Variants in GAREM1 observed in about 807,000 individuals in gnomAD.
GAREM1 encodes GRB2-associated and regulator of MAPK protein 1.
In GAREM1, 26 loss-of-function variants were observed where a neutral mutation model predicts 71.3. That is an observed-to-expected ratio of 0.36 (90% CI 0.27 to 0.51). GAREM1 has a LOEUF of 0.51. GAREM1 is among the 20% of genes least tolerant of loss of function. The pLI, the probability that GAREM1 is intolerant of heterozygous loss-of-function variation, is 0.95. For missense variants in GAREM1, 1,026 were observed against 1,103.1 expected (o/e 0.93, Z 0.99); for synonymous variants, 440 against 433.2 (o/e 1.02, Z -0.20).
chr18:32,271,730 C>T (rs563364485), intron 4 of GAREM1, among the ~76,000 whole-genome samples: 187 of 152,298 alleles, frequency 1.2e-3, no homozygotes, highest in South Asian at 2.9e-3. Context: ...ACATTTCCTT[C>T]GTCTTCACAC....
chr18:32,447,530 G>A (rs2048796387), intron 1 of GAREM1, among the ~76,000 whole-genome samples: 1 of 151,790 alleles, frequency 6.6e-6, no homozygotes, highest in East Asian at 1.9e-4. Context: ...TAATATTAAT[G>A]CAACATTTTC....
chr18:32,377,169 G>A (rs1014832865), intron 2 of GAREM1, among the ~76,000 whole-genome samples: 1 of 152,202 alleles, frequency 6.6e-6, no homozygotes, highest in East Asian at 1.9e-4. Context: ...TATTTACAGA[G>A]TATTGAGTTG....
rs770738485 is a variant in GAREM1, at chr18:32,327,992, T to C, written c.263-17669A>G. On this transcript the variant is annotated intron_variant, in intron 2 of 5. Coordinates refer to ENST00000269209, the MANE Select transcript of GAREM1 (RefSeq NM_001242409.2). ...AGTAATATGATTAATAATATGAATA[T>C]TATTTTTTATTATCAAGATTCCATA... Among the ~76,000 whole-genome samples, 223 of 151,866 alleles carry C rather than the reference T, an allele frequency of 1.5e-3. 2 individuals carry two copies. The highest frequency in any genetic ancestry group is 2.6e-3 in the Non-Finnish European group (174 of 68,042).
chr18:32,410,214 T>A (rs1243409527), intron 1 of GAREM1, among the ~76,000 whole-genome samples: 2 of 152,178 alleles, frequency 1.3e-5, no homozygotes, highest in African/African-American at 2.4e-5. Flanking sequence ...AACCTCTCCA[T>A]CCCCAACTCT....
intron 1 of GAREM1, among the ~76,000 whole-genome samples, chr18:32,453,549 C>T (rs1432507788): frequency 6.6e-6 from 1 of 152,082 alleles, no homozygotes; most frequent in African/African-American, 2.4e-5. Flanking sequence ...GCTGCATTAC[C>T]CCAATCTCTG....
At chr18:32,432,370 C>T (rs1488328372) in intron 1 of GAREM1, among the ~76,000 whole-genome samples, 1 of 151,622 alleles carries the variant, frequency 6.6e-6, no homozygotes, top group Admixed American at 6.6e-5. Context: ...AAAAAAAGAA[C>T]AGAATAAACC....
At chr18:32,351,675 A>G (rs142070441) in intron 2 of GAREM1, among the ~76,000 whole-genome samples, 16 of 151,936 alleles carry the variant, frequency 1.1e-4, no homozygotes, top group African/African-American at 3.1e-4. Context: ...TGGAAAAGTA[A>G]ATATCTCTCA....
At chr18:32,434,897 A>G (rs1318863904) in intron 1 of GAREM1, among the ~76,000 whole-genome samples, 1 of 152,146 alleles carries the variant, frequency 6.6e-6, no homozygotes, top group Non-Finnish European at 1.5e-5. Context: ...TAGTAACTTC[A>G]TAATAGAGAA....
At chr18:32,435,670 T>C (rs1361792033) in intron 1 of GAREM1, among the ~76,000 whole-genome samples, 1 of 152,142 alleles carries the variant, frequency 6.6e-6, no homozygotes, top group African/African-American at 2.4e-5. Flanking sequence ...GAAAATGTTG[T>C]TATGTGATAA....
At chr18:32,347,778 T>C (rs568211878) in intron 2 of GAREM1, among the ~76,000 whole-genome samples, 2 of 152,214 alleles carry the variant, frequency 1.3e-5, no homozygotes, top group Non-Finnish European at 2.9e-5. Context: ...TTCTTATCCA[T>C]ATAGAGACAA....
intron 1 of GAREM1, among the ~76,000 whole-genome samples, chr18:32,448,591 G>A (rs17811714): frequency 1.3e-5 from 2 of 152,184 alleles, no homozygotes; most frequent in Admixed American, 6.5e-5. Context: ...TAGAAAGAAG[G>A]CTGGAGTTTC....
At chr18:32,441,672 G>C (rs566803975) in intron 1 of GAREM1, among the ~76,000 whole-genome samples, 1 of 152,050 alleles carries the variant, frequency 6.6e-6, no homozygotes, top group Non-Finnish European at 1.5e-5. Flanking sequence ...TTATTTCCCC[G>C]TTTCAGTCAT....
At chr18:32,459,453 C>T (rs2048931255) in intron 1 of GAREM1, among the ~76,000 whole-genome samples, 1 of 151,716 alleles carries the variant, frequency 6.6e-6, no homozygotes, top group South Asian at 2.1e-4. Flanking sequence ...TCTTAACTGG[C>T]CAAAGACAGG....
chr18:32,426,716 A>G (rs569253605), intron 1 of GAREM1, among the ~76,000 whole-genome samples: 29 of 152,224 alleles, frequency 1.9e-4, no homozygotes, highest in African/African-American at 6.3e-4. Flanking sequence ...CAACCTTTGT[A>G]ACCTTCAGGA....
intron 1 of GAREM1, among the ~76,000 whole-genome samples, chr18:32,399,713 G>T (rs1341571826): frequency 6.6e-6 from 1 of 152,142 alleles, no homozygotes; most frequent in African/African-American, 2.4e-5. Context: ...CTCATGGATA[G>T]GAAGAATCAA....
At chr18:32,283,567 AG>A in intron 4 of GAREM1, among the ~76,000 whole-genome samples, 2 of 151,704 alleles carry the variant, frequency 1.3e-5, no homozygotes, top group Middle Eastern at 3.4e-3. Flanking sequence ...AACAAAAAAA[AG>A]CATAAAAAAT....
chr18:32,316,843 C>T (rs745794241), intron 2 of GAREM1, among the ~76,000 whole-genome samples: 22 of 152,152 alleles, frequency 1.4e-4, no homozygotes, highest in Non-Finnish European at 2.8e-4. Context: ...AACACTAGGT[C>T]ACAATACACA....
At chr18:32,350,313 T>C (rs1023781501) in intron 2 of GAREM1, among the ~76,000 whole-genome samples, 15 of 152,166 alleles carry the variant, frequency 9.9e-5, no homozygotes, top group Admixed American at 3.9e-4. Flanking sequence ...ATAAATCACC[T>C]CTAACAGTTC....
intron 2 of GAREM1, among the ~76,000 whole-genome samples, chr18:32,351,865 C>T (rs111647247): frequency 7.6e-4 from 115 of 152,128 alleles, no homozygotes; most frequent in African/African-American, 2.5e-3. Flanking sequence ...GTTTCCATGC[C>T]ATAGAGAAAT....
Sources: allele counts gnomAD v4.1 joint callset (sites outside exome capture counted in the v4.1 genomes callset), GRCh38; gene constraint gnomAD v4.1.1; transcripts MANE v1.5; gene names NCBI Gene and HGNC (gene_info 2026-07-23, HGNC 2026-07-21).